FOXK1: variants seen among roughly 807,000 people sequenced by gnomAD.
FOXK1 encodes forkhead box K1.
FOXK1 carries 19 observed loss-of-function variants against 51.9 expected under a neutral mutation model. The observed-to-expected ratio is 0.37, with a 90% CI of 0.26 to 0.54. The LOEUF is 0.54. FOXK1 is among the 20% of genes least tolerant of loss of function. FOXK1 has a pLI of 0.87. For synonymous variants in FOXK1, 537 were observed against 482.6 expected, an observed-to-expected ratio of 1.11 and a Z score of -1.48; for missense variants, 870 against 1,032.7, an observed-to-expected ratio of 0.84 and a Z score of 2.16.
intron 1 of FOXK1, among the ~76,000 whole-genome samples, chr7:4,700,186 A>T (rs1221798042): frequency 6.6e-6 from 1 of 152,206 alleles, no homozygotes; most frequent in African/African-American, 2.4e-5. Flanking sequence ...TTTATCTGAG[A>T]CACCTGAGTT....
Position 4,747,345 on chromosome 7 carries a change from G to T in FOXK1, c.746+6322G>T, listed in dbSNP as rs963575104. ...ACCCCGGAACCTGCCTAGCTGCGGGGCCGCCTCTCCGCTCAAGCACCCACT... is the reference window on the plus strand; with the variant it reads ...ACCCCGGAACCTGCCTAGCTGCGGGTCCGCCTCTCCGCTCAAGCACCCACT... On this transcript the variant is annotated intron_variant, in intron 2 of 8. Transcript: ENST00000328914. This position sits in a 1 kb window ranked among gnomAD's most constrained non-coding sequence, Gnocchi z 9.2. 6.6e-6 allele frequency among the ~76,000 whole-genome samples: 1 copy of T among 152,200 alleles called. No homozygotes were observed. Among genetic ancestry groups the T allele is most frequent in the Admixed American group, 6.5e-5 (1 of 15,284 alleles).
At chr7:4,724,504 G>T (rs1367338183) in intron 1 of FOXK1, among the ~76,000 whole-genome samples, 1 of 152,192 alleles carries the variant, frequency 6.6e-6, no homozygotes, top group South Asian at 2.1e-4. Flanking sequence ...CCCAGAGTTC[G>T]CTTTTTCTTT....
chr7:4,759,721 T>C, intron 7 of FOXK1, 126 bp downstream of exon 7: 1 of 1,152,792 alleles, frequency 8.7e-7, no homozygotes, highest in Non-Finnish European at 1.2e-6. Context: ...CTTCTGCCTC[T>C]CGCTGCCTTG....
intron 1 of FOXK1, among the ~76,000 whole-genome samples, chr7:4,712,981 T>A (rs180940698): frequency 1.3e-5 from 2 of 152,176 alleles, no homozygotes; most frequent in Non-Finnish European, 2.9e-5. Flanking sequence ...TTAAAATACA[T>A]TAAAGAGGGG....
rs1421938092 is a variant in FOXK1, at chr7:4,715,944, G to T, written c.561-24894G>T. ...CTGTGCTTAAAGGATCAAAAATGCAGACCTCAGTCAGGCGCAGTGGTTCAC... is the reference window on the plus strand; with the variant it reads ...CTGTGCTTAAAGGATCAAAAATGCATACCTCAGTCAGGCGCAGTGGTTCAC... On this transcript the variant is annotated intron_variant, in intron 1 of 8. Transcript: ENST00000328914. This position sits in a 1 kb window ranked among gnomAD's most constrained non-coding sequence, Gnocchi z 4.5. Among the ~76,000 whole-genome samples the T allele has an allele frequency of 1.3e-5, 2 of 152,174 alleles. No individual in the cohort carries two copies. Among genetic ancestry groups the T allele is most frequent in the Non-Finnish European group, 2.9e-5 (2 of 68,030 alleles).
chr7:4,696,547 C>T (rs959301034), intron 1 of FOXK1, among the ~76,000 whole-genome samples: 1 of 152,144 alleles, frequency 6.6e-6, no homozygotes, highest in South Asian at 2.1e-4. Context: ...GGTCATTAAG[C>T]GTTGGTGTGA....
rs567731306 is a variant in FOXK1, at chr7:4,756,034, C to T, written c.1050+651C>T. ...TGGCATTTTAAGAGCTTTGTCCACACCAGCCATGACTGATGCATGTTGCAT... is the reference window on the plus strand; with the variant it reads ...TGGCATTTTAAGAGCTTTGTCCACATCAGCCATGACTGATGCATGTTGCAT... On this transcript the variant is annotated intron_variant, in intron 4 of 8. Coordinates refer to ENST00000328914, the MANE Select transcript of FOXK1 (RefSeq NM_001037165.2). This position sits in a 1 kb window ranked among gnomAD's most constrained non-coding sequence, Gnocchi z 4.1. Among the ~76,000 whole-genome samples, 40 of 152,346 alleles carry T rather than the reference C, an allele frequency of 2.6e-4. No individual in the cohort carries two copies. The highest frequency in any genetic ancestry group is 9.4e-4 in the African/African-American group (39 of 41,582).
chr7:4,682,466 C>T lies in FOXK1; in HGVS notation c.158C>T (p.Pro53Leu). The change falls in exon 1 of 9, where the codon CCG becomes CTG. Residue 53 changes from proline (P) to leucine (L), a missense_variant. By Grantham distance (98) the Pro-to-Leu change is moderately conservative. Transcript: ENST00000328914. The surrounding 1 kb of genome is among the most constrained non-coding windows in gnomAD (Gnocchi z 7.6). ...CAGCCCCAGCCTCCGCCCGGGCCGCCGCCGCCGCCGCCACCGCCGCTGCCT... is the reference window on the plus strand; with the variant it reads ...CAGCCCCAGCCTCCGCCCGGGCCGCTGCCGCCGCCGCCACCGCCGCTGCCT... Reference protein sequence around the residue: ...PAQPQPPPGPPPPPPPPLPPG... With the variant: ...PAQPQPPPGPLPPPPPPLPPG... 3.0e-6 allele frequency: 3 copies of T among 984,468 alleles called. No homozygotes were observed. The highest frequency in any genetic ancestry group is 3.6e-6 in the Non-Finnish European group (3 of 831,114). The allele number at this position is 984,468 out of a possible 1,614,324, so 61.0% of individuals were successfully genotyped here.
At chr7:4,687,457 T>C (rs1779836256) in intron 1 of FOXK1, among the ~76,000 whole-genome samples, 1 of 151,590 alleles carries the variant, frequency 6.6e-6, no homozygotes, top group Non-Finnish European at 1.5e-5. Context: ...CACGCCTGGC[T>C]AATTTTTGTA....
chr7:4,716,230 C>T (rs77348978), intron 1 of FOXK1, among the ~76,000 whole-genome samples: 1 of 115,728 alleles, frequency 8.6e-6, no homozygotes. Context: ...ACCCTATCTA[C>T]AAAAAAAAAA....
chr7:4,738,960 G>A (rs1054059534), intron 1 of FOXK1, among the ~76,000 whole-genome samples: 2 of 152,136 alleles, frequency 1.3e-5, no homozygotes, highest in South Asian at 4.1e-4. Context: ...GGAAGAAGAC[G>A]CAAGAGGACC....
At chr7:4,726,047 G>C (rs1780377254) in intron 1 of FOXK1, among the ~76,000 whole-genome samples, 1 of 150,530 alleles carries the variant, frequency 6.6e-6, no homozygotes, top group African/African-American at 2.4e-5. Flanking sequence ...AAGACCTTTT[G>C]CTCTCTGTTG....
rs1562371781 is a variant in FOXK1 at position 4,703,103 on chromosome 7, G to GGGGGCTGGGCTGGGCTGGGC, written c.560+20236_560+20255dup. On this transcript the variant is annotated intron_variant, in intron 1 of 8. Transcript: ENST00000328914. The surrounding 1 kb of genome is among the most constrained non-coding windows in gnomAD (Gnocchi z 5.6). The stretch of plus-strand genomic sequence containing the variant: ...TGCTGGGTGAGAGTGCCTCTGTGTC[G>GGGGGCTGGGCTGGGCTGGGC]GGGGCTGGGCTGGGCTGGGCTGGAC... 1.3e-5 allele frequency among the ~76,000 whole-genome samples: 2 copies of GGGGGCTGGGCTGGGCTGGGC among 152,160 alleles called. No homozygotes were observed. The highest frequency in any genetic ancestry group is 4.8e-5 in the African/African-American group (2 of 41,426).
At chr7:4,708,202 G>C (rs1780129408) in intron 1 of FOXK1, among the ~76,000 whole-genome samples, 1 of 152,140 alleles carries the variant, frequency 6.6e-6, no homozygotes, top group African/African-American at 2.4e-5. Flanking sequence ...GCTGATTTTG[G>C]TGCTGATGCT....
In FOXK1 at chr7:4,765,980, C is replaced by T. The variant is rs1372570236; in HGVS notation, c.*3516C>T. On this transcript the variant is annotated 3_prime_UTR_variant, in exon 9 of 9. Transcript: ENST00000328914. ...GCCACCAGCCCAGTGTCCACGGAGC[C>T]GCGGGGCCAGAGGAGCTCAGGGAGA... 1 of 152,296 alleles carries T rather than the reference C, an allele frequency of 6.6e-6. No individual in the cohort carries two copies. The highest frequency in any genetic ancestry group is 1.5e-5 in the Non-Finnish European group (1 of 68,114). The allele number at this position is 152,296 out of a possible 1,614,324, so 9.4% of individuals were successfully genotyped here. A position where few individuals can be genotyped will look rare whatever the true frequency, so the allele number is the denominator to read the frequency against.
intron 1 of FOXK1, among the ~76,000 whole-genome samples, chr7:4,717,064 G>A: frequency 6.7e-6 from 1 of 149,190 alleles, no homozygotes; most frequent in Non-Finnish European, 1.5e-5. Flanking sequence ...TGGCTGGGAG[G>A]CGTGTGGCTG....
rs370690929 is a variant in FOXK1, at chr7:4,761,652, G to C, written c.1921+364G>C. On this transcript the variant is annotated intron_variant, in intron 8 of 8. Coordinates refer to ENST00000328914, the MANE Select transcript of FOXK1 (RefSeq NM_001037165.2). This position sits in a 1 kb window ranked among gnomAD's most constrained non-coding sequence, Gnocchi z 6.2. ...AGTGAGGCTGTAGTCAGCTGTGATTGCTCCGCTACCTGCCAGCCTGGGTGA... is the reference window on the plus strand; with the variant it reads ...AGTGAGGCTGTAGTCAGCTGTGATTCCTCCGCTACCTGCCAGCCTGGGTGA... Among the ~76,000 whole-genome samples, 12 of 152,034 alleles carry C rather than the reference G, an allele frequency of 7.9e-5. No homozygotes were observed. The highest frequency in any genetic ancestry group is 2.7e-4 in the African/African-American group (11 of 41,372).
intron 1 of FOXK1, among the ~76,000 whole-genome samples, chr7:4,721,962 G>A (rs544578045): frequency 3.9e-5 from 6 of 152,222 alleles, no homozygotes; most frequent in Admixed American, 6.5e-5. Context: ...TCCCTTTCTC[G>A]TGCAGGAGTA....
At chr7:4,686,786 C>A (rs1329829527) in intron 1 of FOXK1, among the ~76,000 whole-genome samples, 4 of 149,666 alleles carry the variant, frequency 2.7e-5, no homozygotes, top group Non-Finnish European at 5.9e-5. Flanking sequence ...ACGGCGTCAT[C>A]GATTTAGTCT....
Sources: allele counts gnomAD v4.1 joint callset (sites outside exome capture counted in the v4.1 genomes callset), GRCh38; gene constraint gnomAD v4.1.1; non-coding constraint Gnocchi (gnomAD v3.1); transcripts MANE v1.5; gene names NCBI Gene and HGNC (gene_info 2026-07-23, HGNC 2026-07-21).